NEURL1: variants seen among roughly 807,000 people sequenced by gnomAD.
The protein encoded by NEURL1 is E3 ubiquitin-protein ligase NEURL1.
NEURL1 carries 26 observed loss-of-function variants against 41.2 expected under a neutral mutation model. That is an observed-to-expected ratio of 0.63 (90% CI 0.46 to 0.87). The LOEUF is 0.87. Ranked by LOEUF, NEURL1 falls within the 40% of genes least tolerant of loss-of-function variation. NEURL1 has a pLI of 0.00. For synonymous variants in NEURL1, 400 were observed against 402.3 expected (o/e 0.99, Z 0.07); for missense variants, 761 against 871.1 (o/e 0.87, Z 1.59).
intron 1 of NEURL1, among the ~76,000 whole-genome samples, chr10:103,518,221 G>GGT (rs2034261094): frequency 6.8e-6 from 1 of 147,264 alleles, no homozygotes; most frequent in African/African-American, 2.5e-5. Context: ...ACATTAATGA[G>GGT]GTACCATGAT....
intron 3 of NEURL1, among the ~76,000 whole-genome samples, chr10:103,575,524 G>C (rs563666512): frequency 1.5e-4 from 23 of 152,332 alleles, no homozygotes; most frequent in African/African-American, 4.6e-4. Flanking sequence ...CTGGCACATA[G>C]TAGGTAAGCA....
intron 1 of NEURL1, among the ~76,000 whole-genome samples, chr10:103,504,643 G>A: frequency 6.6e-6 from 1 of 152,172 alleles, no homozygotes. Context: ...TTCTTTGGAA[G>A]GAAGTCACTG....
chr10:103,564,011 C>A (rs1219933873), intron 1 of NEURL1, among the ~76,000 whole-genome samples: 1 of 152,216 alleles, frequency 6.6e-6, no homozygotes, highest in Non-Finnish European at 1.5e-5. Context: ...AGCTCCCCCC[C>A]ATCTCTCCTT....
intron 1 of NEURL1, among the ~76,000 whole-genome samples, chr10:103,517,038 CTTTT>C (rs57311888): frequency 0.33 from 34,302 of 103,994 alleles, 4,976 homozygotes; most frequent in African/African-American, 0.49. Context: ...TTTCTTTTTT[CTTTT>C]TTGAGACAGG....
At chr10:103,501,076 G>C (rs898831277) in intron 1 of NEURL1, among the ~76,000 whole-genome samples, 4 of 152,218 alleles carry the variant, frequency 2.6e-5, no homozygotes, top group Non-Finnish European at 5.9e-5. Context: ...TGTGTTCAGG[G>C]ATGGTGAGCA....
intron 4 of NEURL1, among the ~76,000 whole-genome samples, chr10:103,585,439 G>A (rs544728705): frequency 6.6e-6 from 1 of 152,268 alleles, no homozygotes; most frequent in South Asian, 2.1e-4. Flanking sequence ...TGAGGCGAGG[G>A]AAAGCGCGGA....
At chr10:103,560,871 G>A (rs1286606128) in intron 1 of NEURL1, among the ~76,000 whole-genome samples, 1 of 152,200 alleles carries the variant, frequency 6.6e-6, no homozygotes, top group Non-Finnish European at 1.5e-5. Context: ...TGGGACTATT[G>A]ATACTGTTTT....
chr10:103,589,484 G>A (rs1374205032), intron 4 of NEURL1, 30 bp from the exon 5 acceptor site: 3 of 1,565,528 alleles, frequency 1.9e-6, no homozygotes, highest in Admixed American at 3.6e-5. Context: ...CAGGCAGCTA[G>A]TGTGTCCTTC....
chr10:103,496,096 C>T (rs897790204), intron 1 of NEURL1, among the ~76,000 whole-genome samples: 3 of 148,726 alleles, frequency 2.0e-5, no homozygotes, highest in South Asian at 4.3e-4. Context: ...AGCGACAGAG[C>T]GAGACTCTGT....
At chr10:103,567,215 C>T (rs1592228764) in intron 1 of NEURL1, among the ~76,000 whole-genome samples, 1 of 152,034 alleles carries the variant, frequency 6.6e-6, no homozygotes, top group Non-Finnish European at 1.5e-5. Flanking sequence ...AACTCCTGAC[C>T]TCAAGTGATC....
At position 103,582,942 on chromosome 10, in the gene NEURL1, G is replaced by C. The variant is rs181119656; in HGVS notation, c.650-1594G>C. Among the ~76,000 whole-genome samples, 3 of 152,312 alleles carry C rather than the reference G, an allele frequency of 2.0e-5. No individual in the cohort carries two copies. The East Asian group carries it at 5.8e-4, about 29-fold the overall frequency. ...TTGGACAGACCTTTTTTTCAATCCTGGATCTGCCACATGGCGGCTGTCATA... is the reference window on the plus strand; with the variant it reads ...TTGGACAGACCTTTTTTTCAATCCTCGATCTGCCACATGGCGGCTGTCATA... On this transcript the variant is annotated intron_variant, in intron 3 of 5. Transcript: ENST00000369780.
chr10:103,585,262 C>T, intron 4 of NEURL1, 37 bp downstream of exon 4: 1 of 1,444,990 alleles, frequency 6.9e-7, no homozygotes, highest in Non-Finnish European at 9.1e-7. Context: ...GTATGCCTTT[C>T]CTGGAGGCGG....
intron 1 of NEURL1, among the ~76,000 whole-genome samples, chr10:103,546,793 C>T (rs1271859985): frequency 3.9e-5 from 6 of 152,252 alleles, no homozygotes; most frequent in Non-Finnish European, 4.4e-5. Context: ...GCTAAAGCCC[C>T]TTCAGGGGAG....
intron 1 of NEURL1, among the ~76,000 whole-genome samples, chr10:103,514,142 G>A (rs780484332): frequency 6.6e-6 from 1 of 151,746 alleles, no homozygotes; most frequent in Non-Finnish European, 1.5e-5. Context: ...TTGCTGGAGT[G>A]TAGTGGCACG....
At chr10:103,531,339 A>G (rs1296818956) in intron 1 of NEURL1, among the ~76,000 whole-genome samples, 1 of 152,226 alleles carries the variant, frequency 6.6e-6, no homozygotes, top group Non-Finnish European at 1.5e-5. Context: ...TCCAATGCCA[A>G]GAGTAAGGTG....
At chr10:103,588,305 CAAA>C (rs10678308) in intron 4 of NEURL1, among the ~76,000 whole-genome samples, 3 of 115,878 alleles carry the variant, frequency 2.6e-5, no homozygotes. Context: ...GACTCCGTCT[CAAA>C]AAAAAAAAAA....
At chr10:103,582,094 G>C (rs374237696) in intron 3 of NEURL1, among the ~76,000 whole-genome samples, 29 of 152,228 alleles carry the variant, frequency 1.9e-4, no homozygotes, top group African/African-American at 7.0e-4. Flanking sequence ...TGATTGTCCT[G>C]AGGGGGTGGT....
chr10:103,577,424 T>C (rs989233378), intron 3 of NEURL1, among the ~76,000 whole-genome samples: 1 of 152,222 alleles, frequency 6.6e-6, no homozygotes, highest in Non-Finnish European at 1.5e-5. Flanking sequence ...TCTTTGTATA[T>C]AAAGGAAGGT....
chr10:103,498,309 G>T (rs1339979264), intron 1 of NEURL1, among the ~76,000 whole-genome samples: 1 of 152,148 alleles, frequency 6.6e-6, no homozygotes, highest in Non-Finnish European at 1.5e-5. Flanking sequence ...CTCACTGCAA[G>T]CTCCGCCTCC....
Sources: allele counts gnomAD v4.1 joint callset (sites outside exome capture counted in the v4.1 genomes callset), GRCh38; gene constraint gnomAD v4.1.1; transcripts MANE v1.5; gene names NCBI Gene and HGNC (gene_info 2026-07-23, HGNC 2026-07-21).